Variants in WDR49 observed in about 807,000 individuals in gnomAD.
WDR49 encodes the protein cilia- and flagella-associated protein 337.
In WDR49, 107 loss-of-function variants were observed where a neutral mutation model predicts 119.5. The ratio of observed to expected loss-of-function variants is 0.90; its 90% CI spans 0.77 to 1.05. The LOEUF (loss-of-function observed/expected upper bound fraction) is 1.05. Among genes scored for constraint, WDR49 ranks in the 50% least tolerant of loss-of-function variants. The probability of loss-of-function intolerance (pLI) is 0.00; values close to 1 mark genes in which losing one functional copy is unlikely to be tolerated. For synonymous variants in WDR49, 425 were observed against 418.8 expected (o/e 1.01, Z -0.18); for missense variants, 1,240 against 1,220.5 (o/e 1.02, Z -0.24).
intron 7 of WDR49, among the ~76,000 whole-genome samples, chr3:167,590,522 C>T (rs994380129): frequency 5.9e-5 from 9 of 151,944 alleles, no homozygotes; most frequent in Admixed American, 4.6e-4. Context: ...CAGCAAAGCC[C>T]TTGGGTCCTG....
At chr3:167,540,852 A>T (rs1296189504) in intron 10 of WDR49, among the ~76,000 whole-genome samples, 1 of 152,074 alleles carries the variant, frequency 6.6e-6, no homozygotes, top group Non-Finnish European at 1.5e-5. Context: ...TATCAAAAAG[A>T]AAAAAACAAT....
chr3:167,641,280 A>G (rs1222589185), intron 2 of WDR49, among the ~76,000 whole-genome samples: 1 of 151,890 alleles, frequency 6.6e-6, no homozygotes. Flanking sequence ...CCCTACTTCT[A>G]AGAACATTTG....
chr3:167,653,347 C>T lies in WDR49; in HGVS notation c.79G>A (p.Val27Ile). Residue 27 changes from valine (V) to isoleucine (I), a missense_variant, in exon 2 of 19, where the codon GTA becomes ATA. Val to Ile is a conservative substitution (Grantham distance 29). Transcript: ENST00000682715. Reference sequence around the variant, plus strand: ...GTGCCATAGTCTTCAAATGCAGTTACACCTTCTGTTCTCTCAGGACTCTTT... The same window carrying T: ...GTGCCATAGTCTTCAAATGCAGTTATACCTTCTGTTCTCTCAGGACTCTTT... ...GPKSPERTEG[V>I]TAFEDYGTGL... 4 of 1,536,044 alleles carry T rather than the reference C, an allele frequency of 2.6e-6. No individual in the cohort carries two copies. The highest frequency in any genetic ancestry group is 1.2e-5 in the South Asian group (1 of 84,062).
At chr3:167,560,654 G>C (rs1713210977) in intron 8 of WDR49, among the ~76,000 whole-genome samples, 1 of 152,082 alleles carries the variant, frequency 6.6e-6, no homozygotes, top group Admixed American at 6.5e-5. Context: ...AGCTCTACCA[G>C]CCATTATGGA....
At chr3:167,480,543 C>A (rs951646173) in intron 18 of WDR49, among the ~76,000 whole-genome samples, 10 of 152,088 alleles carry the variant, frequency 6.6e-5, no homozygotes, top group African/African-American at 2.4e-4. Flanking sequence ...GTTATATAGA[C>A]CTTGGCTACA....
intron 18 of WDR49, among the ~76,000 whole-genome samples, chr3:167,487,880 C>T (rs1560245717): frequency 6.6e-6 from 1 of 151,916 alleles, no homozygotes; most frequent in South Asian, 2.1e-4. Context: ...ACAACAGATT[C>T]TTGCAAGGCT....
chr3:167,545,863 T>C (rs1712158887), intron 10 of WDR49, among the ~76,000 whole-genome samples: 1 of 148,168 alleles, frequency 6.7e-6, no homozygotes, highest in South Asian at 2.1e-4. Context: ...ACTATTGAAA[T>C]AAAAAATAAA....
At chr3:167,508,672 C>T (rs1751862392) in intron 16 of WDR49, among the ~76,000 whole-genome samples, 2 of 152,086 alleles carry the variant, frequency 1.3e-5, no homozygotes, top group South Asian at 4.1e-4. Flanking sequence ...TGGCACTCCC[C>T]CAAATAACAA....
intron 12 of WDR49, 67 bp downstream of exon 12, chr3:167,532,812 T>G (rs566485100): frequency 9.0e-7 from 1 of 1,117,192 alleles, no homozygotes; most frequent in Non-Finnish European, 1.3e-6. Context: ...ATCAGGCACA[T>G]GCATGAACAA....
intron 16 of WDR49, among the ~76,000 whole-genome samples, chr3:167,508,486 GAC>G (rs1468725942): frequency 6.6e-6 from 1 of 152,104 alleles, no homozygotes; most frequent in African/African-American, 2.4e-5. Context: ...AACACATAAA[GAC>G]CTTAGAACAG....
intron 16 of WDR49, among the ~76,000 whole-genome samples, chr3:167,520,762 C>T (rs945704318): frequency 3.0e-4 from 46 of 152,084 alleles, no homozygotes; most frequent in African/African-American, 1.1e-3. Context: ...GGTGGTTAGA[C>T]TCTGTGTGAA....
intron 8 of WDR49, among the ~76,000 whole-genome samples, chr3:167,574,549 C>T (rs1289799828): frequency 1.3e-5 from 2 of 152,164 alleles, no homozygotes; most frequent in East Asian, 3.9e-4. Flanking sequence ...ATACTCAACT[C>T]AATTGTATAA....
chr3:167,548,710 T>C (rs977940122), intron 10 of WDR49, among the ~76,000 whole-genome samples: 1 of 152,148 alleles, frequency 6.6e-6, no homozygotes, highest in African/African-American at 2.4e-5. Context: ...ATTATTATTA[T>C]ACTTTAAGTT....
At chr3:167,635,985 GT>G (rs1717600359) in intron 2 of WDR49, among the ~76,000 whole-genome samples, 1 of 151,414 alleles carries the variant, frequency 6.6e-6, no homozygotes, top group African/African-American at 2.4e-5. Flanking sequence ...ATTTCCATAG[GT>G]TTTTTGGAAA....
chr3:167,645,434 T>A (rs1718074880), intron 2 of WDR49, among the ~76,000 whole-genome samples: 2 of 152,100 alleles, frequency 1.3e-5, no homozygotes, highest in Admixed American at 1.3e-4. Context: ...AGTCTTGAAC[T>A]CCTGACCTCA....
intron 2 of WDR49, among the ~76,000 whole-genome samples, chr3:167,649,306 A>G (rs1053033118): frequency 6.6e-6 from 1 of 151,924 alleles, no homozygotes; most frequent in Non-Finnish European, 1.5e-5. Flanking sequence ...AGAAAGAAGG[A>G]CAAGTTAAAA....
intron 18 of WDR49, among the ~76,000 whole-genome samples, chr3:167,491,739 C>T (rs183980439): frequency 6.6e-6 from 1 of 152,188 alleles, no homozygotes; most frequent in African/African-American, 2.4e-5. Context: ...GACTCAGAGG[C>T]AGTTCTAAGT....
chr3:167,621,446 T>G (rs1323371448), intron 4 of WDR49, 21 bp downstream of exon 4: 5 of 1,502,020 alleles, frequency 3.3e-6, no homozygotes, highest in Non-Finnish European at 4.4e-6. Flanking sequence ...TAGTATTCAA[T>G]CTTAATCTAC....
intron 18 of WDR49, among the ~76,000 whole-genome samples, chr3:167,498,329 G>A (rs953878805): frequency 2.6e-5 from 4 of 152,108 alleles, no homozygotes; most frequent in African/African-American, 9.7e-5. Flanking sequence ...ATATACAAAT[G>A]TATTAATGTA....
Sources: gnomAD v4.1 joint callset for allele counts (sites outside exome capture counted in the v4.1 genomes callset) on GRCh38, gnomAD v4.1.1 for gene constraint, MANE v1.5 for transcripts, NCBI Gene and HGNC (gene_info 2026-07-23, HGNC 2026-07-21) for gene names.